The following ENTPD7 variants were observed in gnomAD, a reference collection of about 807,000 sequenced individuals.
ENTPD7 encodes the protein NTPDase 7.
A neutral mutation model predicts 77.9 loss-of-function variants in ENTPD7; 53 were observed. The ratio of observed to expected loss-of-function variants is 0.68; its 90% CI spans 0.55 to 0.85. ENTPD7 has a LOEUF of 0.85. ENTPD7 is among the 40% of genes least tolerant of loss of function. The pLI is 0.00. For synonymous variants in ENTPD7, 248 were observed against 274.9 expected (o/e 0.90, Z 0.97); for missense variants, 636 against 743.7 (o/e 0.86, Z 1.68).
At chr10:99,660,035 A>G in intron 2 of ENTPD7, 71 bp downstream of exon 2, 3 of 1,610,684 alleles carry the variant, frequency 1.9e-6, no homozygotes, top group Admixed American at 1.7e-5. Context: ...GGGCCCTGGG[A>G]GGCTGTCCCA....
In ENTPD7 at chr10:99,704,624, T is replaced by C. The variant is rs530882147; in HGVS notation, c.1756T>C (p.Leu586=). 86 of 1,614,086 alleles carry C rather than the reference T, an allele frequency of 5.3e-5. 1 individual carries two copies. In the South Asian group the frequency reaches 7.7e-4, roughly 14 times the overall value. Residue 586 remains leucine, a synonymous_variant, in exon 13 of 13, where the codon TTG becomes CTG. Coordinates refer to ENST00000370489, the MANE Select transcript of ENTPD7 (RefSeq NM_020354.5). The part of the protein sequence containing the change: ...HHRQTRASAP[L]DLLWLEEVVP... ...CCGACAAACACGAGCCTCAGCTCCA[T>C]TGGACTTGCTGTGGCTTGAAGAGGT...
Position 99,705,025 on chromosome 10 carries a change from G to C in ENTPD7, c.*342G>C, listed in dbSNP as rs1590068259. The C allele has an allele frequency of 3.6e-6, 1 of 274,414 alleles. No homozygotes were observed. Among genetic ancestry groups the C allele is most frequent in the East Asian group, 7.7e-5 (1 of 12,974 alleles). 17.0% of individuals were successfully genotyped at this position (274,414 alleles called of 1,614,324 possible). On this transcript the variant is annotated 3_prime_UTR_variant, in exon 13 of 13. Coordinates refer to ENST00000370489, the MANE Select transcript of ENTPD7 (RefSeq NM_020354.5). ...TGCTAAAGCATGAAGTTTGGCATTT[G>C]GCACACTGGAAGCCTGGTTGAAATG...
chr10:99,700,249 C>T (rs1376369533), intron 10 of ENTPD7, among the ~76,000 whole-genome samples: 2 of 152,026 alleles, frequency 1.3e-5, no homozygotes, highest in Non-Finnish European at 2.9e-5. Flanking sequence ...ATTTTTTTCC[C>T]TTACCTTTTT....
chr10:99,668,984 G>A (rs925265329), intron 3 of ENTPD7, among the ~76,000 whole-genome samples: 3 of 151,612 alleles, frequency 2.0e-5, no homozygotes, highest in African/African-American at 7.3e-5. Context: ...GCAAACCTTT[G>A]ATCAGGAAAA....
In ENTPD7 at chr10:99,708,269, CATTT is replaced by C. The variant is rs2036290641; in HGVS notation, c.*3590_*3593del. ...CTAAGCTAGTGTTTTTAGGCATTAA[CATTT>C]ATTATCACATCCATATTTATATTTT... On this transcript the variant is annotated 3_prime_UTR_variant, in exon 13 of 13. Transcript: ENST00000370489. 6.6e-6 allele frequency among the ~76,000 whole-genome samples: 1 copy of C among 151,932 alleles called. No homozygotes were observed. Among genetic ancestry groups the C allele is most frequent in the Non-Finnish European group, 1.5e-5 (1 of 68,012 alleles).
intron 6 of ENTPD7, among the ~76,000 whole-genome samples, chr10:99,688,209 G>C (rs184451294): frequency 6.6e-6 from 1 of 152,220 alleles, no homozygotes; most frequent in African/African-American, 2.4e-5. Flanking sequence ...TCTAGACCAG[G>C]TAATATCTGA....
intron 2 of ENTPD7, chr10:99,660,526 GC>G: frequency 7.1e-6 from 2 of 282,288 alleles, no homozygotes; most frequent in Admixed American, 4.5e-5. Context: ...GAATGGATAC[GC>G]ACACACACAC....
chr10:99,670,662 A>G (rs1035146784), intron 3 of ENTPD7, among the ~76,000 whole-genome samples: 1 of 152,180 alleles, frequency 6.6e-6, no homozygotes, highest in African/African-American at 2.4e-5. Context: ...CACAATGGTA[A>G]GTATTTGTGT....
chr10:99,679,494 A>C, intron 4 of ENTPD7, 28 bp downstream of exon 4: 6 of 1,587,710 alleles, frequency 3.8e-6, no homozygotes, highest in Non-Finnish European at 5.1e-6. Flanking sequence ...TTTTGTTGTC[A>C]GTCTCTTTTA....
chr10:99,701,370 C>A (rs1202996808), intron 11 of ENTPD7, among the ~76,000 whole-genome samples: 2 of 151,638 alleles, frequency 1.3e-5, no homozygotes, highest in Non-Finnish European at 2.9e-5. Context: ...TCACTGCAAC[C>A]TCCGCCTCCT....
Position 99,688,820 on chromosome 10 carries a change from C to T in ENTPD7, c.709+70C>T, listed in dbSNP as rs559574161. 27 of 1,383,958 alleles carry T rather than the reference C, an allele frequency of 2.0e-5. No homozygotes were observed. The East Asian group carries it at 6.1e-4, about 31-fold the overall frequency. 85.7% of individuals were successfully genotyped at this position (1,383,958 alleles called of 1,614,324 possible). ...GATTTAAGTTATAACCTATCAGTAG[C>T]ATGTAAATGCAAATTTTGAGTTGTT... On this transcript the variant is annotated intron_variant, in intron 7 of 12. Coordinates refer to ENST00000370489, the MANE Select transcript of ENTPD7 (RefSeq NM_020354.5).
rs977512664 is a variant in ENTPD7 at position 99,706,763 on chromosome 10, T to C, written c.*2080T>C. The stretch of plus-strand genomic sequence containing the variant: ...CTCCGTGAACCTTATGAATGCTGCT[T>C]AAAAATAATGTCAAAATATGTTTTA... On this transcript the variant is annotated 3_prime_UTR_variant, in exon 13 of 13. Transcript: ENST00000370489. Among the ~76,000 whole-genome samples the C allele has an allele frequency of 3.9e-5, 6 of 152,226 alleles. No homozygotes were observed. The highest frequency in any genetic ancestry group is 3.9e-4 in the Admixed American group (6 of 15,280).
intron 11 of ENTPD7, 113 bp downstream of exon 11, chr10:99,701,171 A>T (rs1407383304): frequency 2.0e-6 from 2 of 985,376 alleles, no homozygotes; most frequent in African/African-American, 1.6e-5. Context: ...GCATTTGATT[A>T]TTCCAGACTT....
rs992676810 is a variant in ENTPD7, at chr10:99,709,064, C to T, written c.*4381C>T. On this transcript the variant is annotated 3_prime_UTR_variant, in exon 13 of 13. Coordinates refer to ENST00000370489, the MANE Select transcript of ENTPD7 (RefSeq NM_020354.5). ...CTATTCTTGTTCCTGTATTTCTTTTCGTACTTTTAAATTTTATACATCTTT... is the reference window on the plus strand; with the variant it reads ...CTATTCTTGTTCCTGTATTTCTTTTTGTACTTTTAAATTTTATACATCTTT... 46 of 982,238 alleles carry T rather than the reference C, an allele frequency of 4.7e-5. No homozygotes were observed. The African/African-American group carries it at 4.9e-4, about 10-fold the overall frequency. The allele number at this position is 982,238 out of a possible 1,614,324, so 60.8% of individuals were successfully genotyped here.
chr10:99,691,267 C>CAG (rs1268157379), intron 7 of ENTPD7, 118 bp from the exon 8 acceptor site: 2 of 1,084,214 alleles, frequency 1.8e-6, no homozygotes, highest in Non-Finnish European at 2.6e-6. Context: ...TTTGGGATTA[C>CAG]AGGTGTGAGC....
chr10:99,677,352 C>A (rs1351270587), intron 3 of ENTPD7, among the ~76,000 whole-genome samples: 1 of 143,964 alleles, frequency 6.9e-6, no homozygotes, highest in Non-Finnish European at 1.5e-5. Flanking sequence ...ATGAGCAGGG[C>A]AGATAGCTTT....
intron 3 of ENTPD7, among the ~76,000 whole-genome samples, chr10:99,663,271 T>C (rs1258780815): frequency 6.6e-6 from 1 of 152,178 alleles, no homozygotes; most frequent in African/African-American, 2.4e-5. Context: ...TTCCTTTCAT[T>C]ACTTTAAAGA....
At position 99,679,874 on chromosome 10, in the gene ENTPD7, AG is replaced by A. The variant is rs1397104881; in HGVS notation, c.548+1del. Reference protein sequence around the residue: ...CTAGMRLLPERKQLAILADLV... With the variant: ...CTAGMRLLPEXKQLAILADLV... ...AGCAGGCATGAGGCTTCTCCCTGAG[AG>A]GTGAGATGCAGGGTACAGGAAACAC... On this transcript the variant is annotated frameshift_variant and splice_region_variant, in exon 5 of 13. Transcript: ENST00000370489. LOFTEE classifies it high-confidence loss of function. 6.2e-7 allele frequency: 1 copy of A among 1,610,214 alleles called. No homozygotes were observed. Among genetic ancestry groups the A allele is most frequent in the Non-Finnish European group, 8.5e-7 (1 of 1,178,944 alleles).
At chr10:99,701,940 C>T (rs892683505) in intron 11 of ENTPD7, among the ~76,000 whole-genome samples, 8 of 151,748 alleles carry the variant, frequency 5.3e-5, no homozygotes, top group East Asian at 1.9e-4. Context: ...CCCAGCTACT[C>T]GGGAGGCTGA....
Sources: gnomAD v4.1 joint callset for allele counts (sites outside exome capture counted in the v4.1 genomes callset) on GRCh38, gnomAD v4.1.1 for gene constraint, MANE v1.5 for transcripts, NCBI Gene and HGNC (gene_info 2026-07-23, HGNC 2026-07-21) for gene names.